GCNT4: variants seen among roughly 807,000 people sequenced by gnomAD.
GCNT4 encodes the protein beta-1,3-galactosyl-O-glycosyl-glycoprotein beta-1,6-N-acetylglucosaminyltransferase 4.
GCNT4 carries 17 observed loss-of-function variants against 31.3 expected under a neutral mutation model. That is an observed-to-expected ratio of 0.54 (90% CI 0.37 to 0.81). GCNT4 has a LOEUF of 0.81. GCNT4 is among the 40% of genes least tolerant of loss of function. The pLI, the probability that GCNT4 is intolerant of heterozygous loss-of-function variation, is 0.00. For synonymous variants in GCNT4, 158 were observed against 190.6 expected, an observed-to-expected ratio of 0.83 and a Z score of 1.41; for missense variants, 503 against 525.5, an observed-to-expected ratio of 0.96 and a Z score of 0.42.
At chr5:75,021,175 C>A (rs1742876842), downstream of GCNT4, among the ~76,000 whole-genome samples, 1 of 152,192 alleles carries the variant, frequency 6.6e-6, no homozygotes, top group African/African-American at 2.4e-5. Flanking sequence ...CTGTCATTGT[C>A]TTTCTCTTCC....
intron 3 of GCNT4, 71 bp from the exon 4 acceptor site, chr5:75,030,109 C>G (rs745852270): frequency 1.4e-5 from 20 of 1,432,206 alleles, no homozygotes; most frequent in Admixed American, 2.2e-5. Context: ...CCAAAATCTA[C>G]TGGGCGCCTA....
chr5:75,040,944 G>GT (rs1743302532), intron 3 of GCNT4, among the ~76,000 whole-genome samples: 1 of 151,684 alleles, frequency 6.6e-6, no homozygotes, highest in African/African-American at 2.4e-5. Flanking sequence ...AATCTTTAGA[G>GT]TTTTTTCCCC....
Position 75,029,223 on chromosome 5 carries a change from C to CT in GCNT4, c.814dup (p.Arg272LysfsTer6). On this transcript the variant is annotated frameshift_variant, in exon 4 of 4. Transcript: ENST00000652361. LOFTEE classifies it high-confidence loss of function. ...CTTCACATATTCATAAGGCACCCGT[C>CT]TAAGTTCATGATGGTAAGTGAATCT... 1 of 1,614,114 alleles carries CT rather than the reference C, an allele frequency of 6.2e-7. No individual in the cohort carries two copies. The highest frequency in any genetic ancestry group is 8.5e-7 in the Non-Finnish European group (1 of 1,180,024).
intron 2 of GCNT4, among the ~76,000 whole-genome samples, chr5:75,051,478 A>G (rs983986819): frequency 1.3e-5 from 2 of 150,100 alleles, no homozygotes; most frequent in African/African-American, 2.5e-5. Context: ...TACCTCTCCT[A>G]TGTGGTGCTG....
At chr5:75,053,850 A>G (rs1175767495), upstream of GCNT4, among the ~76,000 whole-genome samples, 1 of 152,068 alleles carries the variant, frequency 6.6e-6, no homozygotes, top group Non-Finnish European at 1.5e-5. Flanking sequence ...AGCGTCATCC[A>G]CGTTCGGTTC....
Position 75,026,944 on chromosome 5 carries a change from G to A in GCNT4, c.*1732C>T, listed in dbSNP as rs1256523212. 2.0e-5 allele frequency: 3 copies of A among 152,048 alleles called. No homozygotes were observed. Among genetic ancestry groups the A allele is most frequent in the Non-Finnish European group, 4.4e-5 (3 of 68,006 alleles). The allele number at this position is 152,048 out of a possible 1,614,324, so 9.4% of individuals were successfully genotyped here. Reference sequence around the variant, plus strand: ...GAGAAGAAAGGGAGCGAGAAGTGGTGTCAGTTGGCAGTTAGTATTATGAAC... The same window carrying A: ...GAGAAGAAAGGGAGCGAGAAGTGGTATCAGTTGGCAGTTAGTATTATGAAC... On this transcript the variant is annotated 3_prime_UTR_variant, in exon 4 of 4. Transcript: ENST00000652361.
At chr5:75,046,861 A>C (rs1743450253) in intron 3 of GCNT4, among the ~76,000 whole-genome samples, 1 of 152,242 alleles carries the variant, frequency 6.6e-6, no homozygotes, top group Non-Finnish European at 1.5e-5. Context: ...GTACAAGACC[A>C]TTCTGCCCTT....
chr5:75,041,086 A>G (rs1022023316), intron 3 of GCNT4, among the ~76,000 whole-genome samples: 1 of 152,262 alleles, frequency 6.6e-6, no homozygotes, highest in African/African-American at 2.4e-5. Context: ...TGCAAAAGCT[A>G]TAAGCTTTTC....
chr5:75,021,111 G>A (rs1437828260), downstream of GCNT4, among the ~76,000 whole-genome samples: 1 of 152,170 alleles, frequency 6.6e-6, no homozygotes, highest in African/African-American at 2.4e-5. Context: ...AGGGCAGGTG[G>A]AGCTGGTGTC....
In GCNT4 at chr5:75,025,888, ATAACT is replaced by A. The variant is rs1742937186; in HGVS notation, c.*2783_*2787del. 6.6e-6 allele frequency: 1 copy of A among 152,224 alleles called. No homozygotes were observed. The highest frequency in any genetic ancestry group is 2.1e-4 in the South Asian group (1 of 4,832). 9.4% of individuals were successfully genotyped at this position (152,224 alleles called of 1,614,324 possible). On this transcript the variant is annotated 3_prime_UTR_variant, in exon 4 of 4. Transcript: ENST00000652361. ...TCTAAGGTTCTGGTCTGATCTCTGA[ATAACT>A]TAAAGTCTAGATTCAATAAATACAA...
At chr5:75,020,694 G>C (rs1034769638), downstream of GCNT4, among the ~76,000 whole-genome samples, 1 of 152,168 alleles carries the variant, frequency 6.6e-6, no homozygotes, top group Non-Finnish European at 1.5e-5. Flanking sequence ...ACCTGACACT[G>C]TTGAAATATT....
the GCNT4 span, among the ~76,000 whole-genome samples, chr5:75,018,382 A>G: frequency 6.6e-6 from 1 of 152,118 alleles, no homozygotes; most frequent in Non-Finnish European, 1.5e-5. Context: ...CGTGGGTTCA[A>G]GCGATTCTCC....
chr5:75,026,741 G>C lies in GCNT4; in HGVS notation c.*1935C>G, dbSNP rs1742954544. 6.7e-6 allele frequency: 1 copy of C among 148,230 alleles called. No individual in the cohort carries two copies. The highest frequency in any genetic ancestry group is 1.5e-5 in the Non-Finnish European group (1 of 67,558). The allele number at this position is 148,230 out of a possible 1,614,324, so 9.2% of individuals were successfully genotyped here. On this transcript the variant is annotated 3_prime_UTR_variant, in exon 4 of 4. Transcript: ENST00000652361. ...AAGATCTGGAAAACTGAGGTTCATAGAGACCAAAGTGACTTACCTGTCCAC... is the reference window on the plus strand; with the variant it reads ...AAGATCTGGAAAACTGAGGTTCATACAGACCAAAGTGACTTACCTGTCCAC...
At chr5:75,031,150 A>G (rs150625279) in intron 3 of GCNT4, among the ~76,000 whole-genome samples, 8 of 151,992 alleles carry the variant, frequency 5.3e-5, no homozygotes, top group Non-Finnish European at 1.2e-4. Flanking sequence ...TCATGGCTCA[A>G]TGCAGCCTTG....
intron 3 of GCNT4, among the ~76,000 whole-genome samples, chr5:75,040,929 T>C (rs866910500): frequency 7.6e-6 from 1 of 131,042 alleles, no homozygotes. Flanking sequence ...GGAAGAAATG[T>C]AGTTAATCTT....
chr5:75,035,525 T>C (rs1743176619), intron 3 of GCNT4, among the ~76,000 whole-genome samples: 1 of 152,222 alleles, frequency 6.6e-6, no homozygotes, highest in Non-Finnish European at 1.5e-5. Context: ...TCTAAGACTT[T>C]GATCAAACTA....
At chr5:75,033,457 A>C (rs748045843) in intron 3 of GCNT4, among the ~76,000 whole-genome samples, 13 of 152,200 alleles carry the variant, frequency 8.5e-5, no homozygotes, top group Non-Finnish European at 1.9e-4. Context: ...ATTTCAAAGA[A>C]AGAAGGGTAG....
At chr5:75,053,377 C>T (rs907736317), upstream of GCNT4, among the ~76,000 whole-genome samples, 2 of 152,068 alleles carry the variant, frequency 1.3e-5, no homozygotes, top group Non-Finnish European at 2.9e-5. Flanking sequence ...GACGCGGCGC[C>T]GAAGTTTTCC....
In GCNT4 at chr5:75,031,079, C is replaced by CTTTT. The variant is rs573067505; in HGVS notation, c.-1-1045_-1-1042dup. On this transcript the variant is annotated intron_variant, in intron 3 of 3. Transcript: ENST00000652361. ...ACATACATTAGCAAACTTTTTCTCT[C>CTTTT]TTTTTTTTTTTTTGAGACAAGGTCT... Among the ~76,000 whole-genome samples, 479 of 145,376 alleles carry CTTTT rather than the reference C, an allele frequency of 3.3e-3. 4 individuals carry two copies. The highest frequency in any genetic ancestry group is 0.012 in the African/African-American group (458 of 39,736).
Sources: gnomAD v4.1 joint callset for allele counts (sites outside exome capture counted in the v4.1 genomes callset) on GRCh38, gnomAD v4.1.1 for gene constraint, MANE v1.5 for transcripts, NCBI Gene and HGNC (gene_info 2026-07-23, HGNC 2026-07-21) for gene names.